The following USH2A variants were observed in gnomAD, a reference collection of about 807,000 sequenced individuals.
USH2A encodes the protein Usher syndrome 2A (autosomal recessive, mild).
Under a neutral mutation model 538.9 loss-of-function variants are expected in USH2A, and 443 were observed. The observed-to-expected ratio is 0.82, with a 90% confidence interval of 0.76 to 0.89. The LOEUF is 0.89. Among genes scored for constraint, USH2A ranks in the 40% least tolerant of loss-of-function variants. USH2A has a pLI of 0.00. For synonymous variants in USH2A, 2,413 were observed against 2,273.5 expected, an observed-to-expected ratio of 1.06 and a Z score of -1.75; for missense variants, 6,633 against 6,324.8, an observed-to-expected ratio of 1.05 and a Z score of -1.65.
intron 37 of USH2A, among the ~76,000 whole-genome samples, chr1:215,939,369 C>T (rs1323598199): frequency 6.6e-6 from 1 of 152,148 alleles, no homozygotes; most frequent in Non-Finnish European, 1.5e-5. Context: ...CAGTCCTACT[C>T]TCCTATTTTA....
At chr1:215,729,715 C>T (rs1228602096) in intron 60 of USH2A, among the ~76,000 whole-genome samples, 1 of 152,204 alleles carries the variant, frequency 6.6e-6, no homozygotes, top group Non-Finnish European at 1.5e-5. Flanking sequence ...ACTGCAGCCT[C>T]AAACTCCTGG....
intron 3 of USH2A, among the ~76,000 whole-genome samples, chr1:216,406,106 C>T (rs1478424738): frequency 6.6e-6 from 1 of 152,122 alleles, no homozygotes; most frequent in Non-Finnish European, 1.5e-5. Context: ...AGGGATGGAA[C>T]TTTTCTGCAA....
At chr1:216,068,347 G>C (rs889833106) in intron 30 of USH2A, among the ~76,000 whole-genome samples, 1 of 152,090 alleles carries the variant, frequency 6.6e-6, no homozygotes, top group African/African-American at 2.4e-5. Context: ...TTTAACAATG[G>C]GAGATAAAAG....
At chr1:216,353,113 A>C (rs994791508) in intron 4 of USH2A, among the ~76,000 whole-genome samples, 2 of 152,152 alleles carry the variant, frequency 1.3e-5, no homozygotes, top group Non-Finnish European at 2.9e-5. Context: ...CATGAAAAGA[A>C]GTGGTTATAA....
chr1:215,934,718 C>A lies in USH2A; in HGVS notation c.7198G>T (p.Asp2400Tyr). 1 of 1,612,868 alleles carries A rather than the reference C, an allele frequency of 6.2e-7. No homozygotes were observed. The highest frequency in any genetic ancestry group is 2.2e-5 in the East Asian group (1 of 44,822). The change falls in exon 38 of 72, where the codon GAT becomes TAT. Residue 2400 changes from aspartate to tyrosine, a missense_variant. By Grantham distance (160) the Asp-to-Tyr change is radical. Coordinates refer to ENST00000307340, the MANE Select transcript of USH2A (RefSeq NM_206933.4). ...GEETNLWVLI[D>Y]GLVPFTNYTV... Reference sequence around the variant, plus strand: ...TAGTTGGTAAAAGGAACCAGCCCATCGATGAGCACCCAAAGGTTTGTCTCT... The same window carrying A: ...TAGTTGGTAAAAGGAACCAGCCCATAGATGAGCACCCAAAGGTTTGTCTCT...
chr1:216,008,922 C>T (rs1266137203), intron 32 of USH2A, among the ~76,000 whole-genome samples: 1 of 152,066 alleles, frequency 6.6e-6, no homozygotes, highest in African/African-American at 2.4e-5. Flanking sequence ...AGGGACGCCT[C>T]TCTGATTATT....
At chr1:216,282,305 C>T (rs1024438110) in intron 11 of USH2A, among the ~76,000 whole-genome samples, 9 of 152,072 alleles carry the variant, frequency 5.9e-5, no homozygotes, top group Non-Finnish European at 1.0e-4. Context: ...CTGGCTAATC[C>T]GAGGACATGA....
chr1:215,634,518 C>A lies in USH2A; in HGVS notation c.15238G>T (p.Val5080Leu), dbSNP rs1558031463. The A allele has an allele frequency of 6.2e-7, 1 of 1,614,132 alleles. No homozygotes were observed. The change falls in exon 70 of 72, where the codon GTA becomes TTA. Residue 5080 changes from valine (V) to leucine (L), a missense_variant. Transcript: ENST00000307340. ...GGAGACATCCTCTTCTGAAGAGGTACCAAGGGAGGTCTTTCTCTGATATAT... is the reference window on the plus strand; with the variant it reads ...GGAGACATCCTCTTCTGAAGAGGTAACAAGGGAGGTCTTTCTCTGATATAT... Reference protein sequence around the residue: ...EPYIRERPPLVPLQKRMSPLN... With the variant: ...EPYIRERPPLLPLQKRMSPLN...
In USH2A at chr1:215,972,101, C is replaced by T. The variant is rs548447208; in HGVS notation, c.6806-1325G>A. On this transcript the variant is annotated intron_variant, in intron 35 of 71. Transcript: ENST00000307340. ...CCACGCTTCTATAGCCTGTTCTGTA[C>T]GGCTGAACCTACAAACTACAAACTA... 5.3e-5 allele frequency among the ~76,000 whole-genome samples: 8 copies of T among 152,286 alleles called. No individual in the cohort carries two copies. In the South Asian group the frequency reaches 6.2e-4, roughly 12 times the overall value.
At chr1:215,990,537 T>G (rs981666177) in intron 35 of USH2A, among the ~76,000 whole-genome samples, 1 of 152,260 alleles carries the variant, frequency 6.6e-6, no homozygotes, top group Admixed American at 6.5e-5. Context: ...GTGGGAGTGT[T>G]TGACATATAC....
chr1:216,278,883 G>T (rs1008181416), intron 11 of USH2A, among the ~76,000 whole-genome samples: 3 of 152,144 alleles, frequency 2.0e-5, no homozygotes, highest in African/African-American at 7.2e-5. Flanking sequence ...ATTATGCAGA[G>T]AAAGTATATT....
Position 216,046,652 on chromosome 1 carries a change from C to A in USH2A, c.6164-60G>T, listed in dbSNP as rs1454879825. On this transcript the variant is annotated intron_variant, in intron 31 of 71. Coordinates refer to ENST00000307340, the MANE Select transcript of USH2A (RefSeq NM_206933.4). ...GTTTACTTTTCTAATTCAAACTTTT[C>A]AGACCCAAACCAATAAATCATGGAA... The A allele has an allele frequency of 3.2e-6, 5 of 1,584,148 alleles. No homozygotes were observed. In the East Asian group the frequency reaches 1.1e-4, roughly 36 times the overall value.
At chr1:216,175,053 T>C (rs1437965414) in intron 21 of USH2A, 199 bp downstream of exon 21, 2 of 1,416,206 alleles carry the variant, frequency 1.4e-6, no homozygotes, top group South Asian at 1.5e-5. Context: ...ATTTTTCCTT[T>C]CCTTCACTTA....
intron 10 of USH2A, among the ~76,000 whole-genome samples, chr1:216,291,702 C>T (rs115146968): frequency 7.4e-4 from 113 of 152,284 alleles, no homozygotes; most frequent in African/African-American, 2.6e-3. Context: ...TGATTATCAT[C>T]GTCTCCATTT....
intron 4 of USH2A, among the ~76,000 whole-genome samples, chr1:216,364,094 G>T (rs2038548662): frequency 6.6e-6 from 1 of 150,786 alleles, no homozygotes; most frequent in African/African-American, 2.4e-5. Context: ...GCATTTTAAA[G>T]ACCACTGTAC....
At chr1:215,631,057 C>G (rs1656268329) in intron 70 of USH2A, among the ~76,000 whole-genome samples, 2 of 152,300 alleles carry the variant, frequency 1.3e-5, no homozygotes, top group Non-Finnish European at 2.9e-5. Flanking sequence ...ACAAAAGACA[C>G]TCTCATTCCT....
intron 21 of USH2A, among the ~76,000 whole-genome samples, chr1:216,153,085 C>T (rs1202405028): frequency 6.6e-6 from 1 of 152,148 alleles, no homozygotes; most frequent in African/African-American, 2.4e-5. Context: ...ATCCCCTTTC[C>T]AGTTTCCCAT....
chr1:216,319,683 G>C (rs531888645), intron 9 of USH2A, among the ~76,000 whole-genome samples: 1 of 152,160 alleles, frequency 6.6e-6, no homozygotes, highest in African/African-American at 2.4e-5. Flanking sequence ...AAGACTCTTA[G>C]TTGAAACTGA....
At chr1:216,323,785 T>C (rs1303394071) in intron 7 of USH2A, 90 bp from the exon 8 acceptor site, 16 of 1,175,826 alleles carry the variant, frequency 1.4e-5, no homozygotes, top group Non-Finnish European at 1.9e-5. Flanking sequence ...CTACACAGTA[T>C]CAATAAAAGC....
Sources: allele counts gnomAD v4.1 joint callset (sites outside exome capture counted in the v4.1 genomes callset), GRCh38; gene constraint gnomAD v4.1.1; transcripts MANE v1.5; gene names NCBI Gene and HGNC (gene_info 2026-07-23, HGNC 2026-07-21).